C10orf67: variants seen among roughly 807,000 people sequenced by gnomAD.
The protein encoded by C10orf67 is chromosome 10 open reading frame 67.
Under a neutral mutation model 35.6 loss-of-function variants are expected in C10orf67, and 60 were observed. That is an observed-to-expected ratio of 1.68 (90% CI 1.37 to 2.09). The LOEUF is 2.09. Ranked by LOEUF, C10orf67 falls within the 30% of genes most tolerant of loss-of-function variation. The probability of loss-of-function intolerance (pLI) is 0.00; values close to 1 mark genes in which losing one functional copy is unlikely to be tolerated. For missense variants in C10orf67, 474 were observed against 330.2 expected, an observed-to-expected ratio of 1.44 and a Z score of -3.38; for synonymous variants, 167 against 115.8, an observed-to-expected ratio of 1.44 and a Z score of -2.84.
chr10:23,324,815 A>G (rs1449468455), intron 2 of C10orf67, among the ~76,000 whole-genome samples: 1 of 152,236 alleles, frequency 6.6e-6, no homozygotes, highest in Non-Finnish European at 1.5e-5. Context: ...AATGTGAAAC[A>G]TTCCCCTTGC....
At chr10:23,323,978 A>C in intron 2 of C10orf67, among the ~76,000 whole-genome samples, 1 of 113,786 alleles carries the variant, frequency 8.8e-6, no homozygotes, top group South Asian at 3.2e-4. Flanking sequence ...TATGAGTTAA[A>C]ATGCTTCCAA....
intron 15 of C10orf67, among the ~76,000 whole-genome samples, chr10:23,213,545 T>G (rs1292336917): frequency 6.6e-6 from 1 of 152,176 alleles, no homozygotes; most frequent in Non-Finnish European, 1.5e-5. Flanking sequence ...TAGAATTCCA[T>G]GTCTTGCTAA....
chr10:23,291,830 A>G, intron 5 of C10orf67, among the ~76,000 whole-genome samples: 1 of 152,154 alleles, frequency 6.6e-6, no homozygotes, highest in East Asian at 1.9e-4. Context: ...GCACACGGAT[A>G]TCCACACAGT....
intron 1 of C10orf67, among the ~76,000 whole-genome samples, chr10:23,343,431 C>T (rs979894787): frequency 6.6e-6 from 1 of 152,196 alleles, no homozygotes; most frequent in African/African-American, 2.4e-5. Flanking sequence ...GTGGGCTTCC[C>T]AGCCTCCAGA....
chr10:23,207,109 A>G (rs949147021), intron 15 of C10orf67, among the ~76,000 whole-genome samples: 3 of 151,668 alleles, frequency 2.0e-5, no homozygotes, highest in Admixed American at 2.0e-4. Context: ...GAGAAAATGC[A>G]AAGGAGCTTG....
In C10orf67 at chr10:23,344,667, C is replaced by A; in HGVS notation, c.108G>T (p.Glu36Asp). 6.3e-7 allele frequency: 1 copy of A among 1,580,388 alleles called. No homozygotes were observed. The highest frequency in any genetic ancestry group is 8.6e-7 in the Non-Finnish European group (1 of 1,163,586). The change falls in exon 1 of 16, where the codon GAG (glutamate) becomes GAT (aspartate). Residue 36 changes from glutamate to aspartate, a missense_variant. By Grantham distance (45) the Glu-to-Asp change is conservative. Transcript: ENST00000636213. The part of the protein sequence containing the change: ...SLRGTFGTRW[E>D]AMKAKATELR... ...GCTCGGTGGCCTTGGCTTTCATGGC[C>A]TCCCAGCGTGTGCCAAAGGTCCCCC...
At chr10:23,256,559 C>T (rs1842607600) in intron 10 of C10orf67, among the ~76,000 whole-genome samples, 1 of 152,138 alleles carries the variant, frequency 6.6e-6, no homozygotes. Context: ...CCAGCTTCAA[C>T]ACAAGCTTGT....
intron 7 of C10orf67, among the ~76,000 whole-genome samples, chr10:23,284,793 A>C (rs541358401): frequency 4.9e-4 from 75 of 152,274 alleles, no homozygotes; most frequent in African/African-American, 1.8e-3. Flanking sequence ...ACTGTTTATG[A>C]AGGTTTTCTA....
intron 12 of C10orf67, among the ~76,000 whole-genome samples, chr10:23,243,909 T>A (rs886344887): frequency 6.6e-6 from 1 of 152,056 alleles, no homozygotes; most frequent in Non-Finnish European, 1.5e-5. Flanking sequence ...TTTTTTATCT[T>A]GAGAAAAGGT....
intron 7 of C10orf67, among the ~76,000 whole-genome samples, chr10:23,288,017 G>C (rs886192611): frequency 6.6e-6 from 1 of 152,242 alleles, no homozygotes; most frequent in African/African-American, 2.4e-5. Context: ...TTACACGTTA[G>C]TGGGAATGCA....
intron 4 of C10orf67, among the ~76,000 whole-genome samples, chr10:23,307,196 A>G (rs1205721086): frequency 6.6e-6 from 1 of 152,236 alleles, no homozygotes; most frequent in East Asian, 1.9e-4. Flanking sequence ...TACTTCCAGC[A>G]TTTAAAAATC....
At chr10:23,326,487 G>C (rs1241872933) in intron 2 of C10orf67, among the ~76,000 whole-genome samples, 1 of 152,066 alleles carries the variant, frequency 6.6e-6, no homozygotes, top group African/African-American at 2.4e-5. Flanking sequence ...TAGGAGAATA[G>C]CTAAATAAAG....
At chr10:23,224,918 G>C (rs948302962) in intron 13 of C10orf67, among the ~76,000 whole-genome samples, 1 of 152,164 alleles carries the variant, frequency 6.6e-6, no homozygotes, top group Non-Finnish European at 1.5e-5. Flanking sequence ...GTGATGGGGA[G>C]AATGGAAACA....
intron 1 of C10orf67, among the ~76,000 whole-genome samples, chr10:23,334,086 A>T (rs970155598): frequency 4.6e-5 from 7 of 152,252 alleles, no homozygotes; most frequent in Non-Finnish European, 1.0e-4. Context: ...TCTGGCAACT[A>T]TCAATAGATA....
chr10:23,320,857 C>T (rs1180721147), intron 3 of C10orf67, 42 bp from the exon 4 acceptor site: 2 of 1,304,954 alleles, frequency 1.5e-6, no homozygotes, highest in East Asian at 5.0e-5. Flanking sequence ...TAATGTATTT[C>T]CAAATATGAC....
Position 23,266,286 on chromosome 10 carries a change from C to T in C10orf67, c.1176G>A (p.Lys392=), listed in dbSNP as rs146424670. 5.3e-4 allele frequency: 213 copies of T among 398,592 alleles called. No individual in the cohort carries two copies. The highest frequency in any genetic ancestry group is 8.4e-4 in the Non-Finnish European group (189 of 226,102). 24.7% of individuals were successfully genotyped at this position (398,592 alleles called of 1,614,324 possible). A position where few individuals can be genotyped will look rare whatever the true frequency, so the allele number is the denominator to read the frequency against. ...AGAQKAKMPK[K]ALKEDQAVVE... ...CCACAGCTTGGTCTTCCTTTAAAGC[C>T]TTCTTTGGCATTTTAGCTTTCTGGG... is the stretch of plus-strand genomic sequence containing the variant. Residue 392 remains lysine, a synonymous_variant, in exon 10 of 16, where the codon AAG becomes AAA. Transcript: ENST00000636213.
intron 15 of C10orf67, among the ~76,000 whole-genome samples, chr10:23,220,623 T>C (rs978630635): frequency 7.2e-5 from 11 of 152,350 alleles, no homozygotes; most frequent in Admixed American, 1.3e-4. Context: ...TAGCCTACAC[T>C]GGATTTGAAT....
chr10:23,259,735 G>A (rs1040858456), intron 10 of C10orf67, among the ~76,000 whole-genome samples: 5 of 151,992 alleles, frequency 3.3e-5, no homozygotes, highest in Non-Finnish European at 7.4e-5. Context: ...GAATCAAATG[G>A]AAATACTAGA....
At position 23,291,199 on chromosome 10, in the gene C10orf67, C is replaced by A; in HGVS notation, c.783G>T (p.Arg261Ser). 1 of 717,140 alleles carries A rather than the reference C, an allele frequency of 1.4e-6. No homozygotes were observed. The highest frequency in any genetic ancestry group is 1.5e-5 in the South Asian group (1 of 67,548). The allele number at this position is 717,140 out of a possible 1,614,324, so 44.4% of individuals were successfully genotyped here. A position where few individuals can be genotyped will look rare whatever the true frequency, so the allele number is the denominator to read the frequency against. The change falls in exon 6 of 16, where the codon AGG becomes AGT. Residue 261 changes from arginine (R) to serine (S), a missense_variant. Coordinates refer to ENST00000636213, the MANE Select transcript of C10orf67 (RefSeq NM_001371909.1). ...CAAGCTCTGAAATGATCTGAAGCAG[C>A]CTCTCATTTTCCACTTTGTACTCCA... ...ENLEYKVENE[R>S]LLQIISELEE...
Sources: allele counts gnomAD v4.1 joint callset (sites outside exome capture counted in the v4.1 genomes callset), GRCh38; gene constraint gnomAD v4.1.1; transcripts MANE v1.5; gene names NCBI Gene and HGNC (gene_info 2026-07-23, HGNC 2026-07-21).